The following RNF17 variants were observed in gnomAD, a reference collection of about 807,000 sequenced individuals.
RNF17 encodes the protein ring finger protein 17.
In RNF17, 31 loss-of-function variants were observed where a neutral mutation model predicts 200.5. The ratio of observed to expected loss-of-function variants is 0.15; its 90% CI spans 0.12 to 0.21. RNF17 has a LOEUF of 0.21. RNF17 is among the 10% of genes least tolerant of loss of function. The pLI is 1.00. For synonymous variants in RNF17, 606 were observed against 637.8 expected, an observed-to-expected ratio of 0.95 and a Z score of 0.75; for missense variants, 1,628 against 1,905.1, an observed-to-expected ratio of 0.85 and a Z score of 2.71.
chr13:24,780,738 C>T lies in RNF17; in HGVS notation c.510+991C>T, dbSNP rs554134929. Among the ~76,000 whole-genome samples the T allele has an allele frequency of 3.9e-4, 59 of 152,084 alleles. No homozygotes were observed. In the South Asian group the frequency reaches 0.01, roughly 27 times the overall value. On this transcript the variant is annotated intron_variant, in intron 5 of 35. Transcript: ENST00000255324. ...CTCTATTAAAAATTCAAAAGTTAGCCGGGCATGGTGGCACCCACCTGTAGT... is the reference window on the plus strand; with the variant it reads ...CTCTATTAAAAATTCAAAAGTTAGCTGGGCATGGTGGCACCCACCTGTAGT...
At position 24,826,831 on chromosome 13, in the gene RNF17, C is replaced by T. The variant is rs1174126261; in HGVS notation, c.2245+1059C>T. Among the ~76,000 whole-genome samples the T allele has an allele frequency of 2.7e-5, 4 of 150,920 alleles. No individual in the cohort carries two copies. The East Asian group carries it at 8.0e-4, about 30-fold the overall frequency. ...ATCCCAGCACTTTGGGAGGCCAAGG[C>T]AGGCAGATCACCTGAGGTCGGGAGT... On this transcript the variant is annotated intron_variant, in intron 16 of 35. Transcript: ENST00000255324.
chr13:24,799,842 A>G (rs1306790478), intron 12 of RNF17, among the ~76,000 whole-genome samples: 5 of 152,184 alleles, frequency 3.3e-5, no homozygotes, highest in African/African-American at 1.2e-4. Flanking sequence ...AGCAGGGAAT[A>G]ATACACAAAC....
intron 11 of RNF17, among the ~76,000 whole-genome samples, chr13:24,797,746 T>TGTGTGTGTGTGTGTGTGTG (rs1884781580): frequency 3.9e-5 from 1 of 25,868 alleles, no homozygotes. Context: ...GTGTGTGTGT[T>TGTGTGTGTGTGTGTGTGTG]TACCCTGCAA....
At chr13:24,765,538 A>C (rs1176797661) in intron 1 of RNF17, among the ~76,000 whole-genome samples, 1 of 152,226 alleles carries the variant, frequency 6.6e-6, no homozygotes, top group African/African-American at 2.4e-5. Context: ...ATTTCAGTGG[A>C]GAACCAAGTT....
intron 1 of RNF17, among the ~76,000 whole-genome samples, chr13:24,764,794 C>T (rs2137853332): frequency 6.6e-6 from 1 of 151,906 alleles, no homozygotes; most frequent in East Asian, 1.9e-4. Flanking sequence ...TTTGTTGTTT[C>T]TGTGGGGGTT....
chr13:24,782,605 T>TCG (rs1555265924), intron 6 of RNF17, among the ~76,000 whole-genome samples: 2 of 149,702 alleles, frequency 1.3e-5, no homozygotes, highest in African/African-American at 2.5e-5. Flanking sequence ...GAGGCTGAGA[T>TCG]GGGGGGGGGA....
intron 15 of RNF17, among the ~76,000 whole-genome samples, chr13:24,816,872 A>C (rs1472459726): frequency 6.6e-6 from 1 of 152,188 alleles, no homozygotes; most frequent in Non-Finnish European, 1.5e-5. Context: ...ACCAAGATAA[A>C]GAAGTATCCT....
intron 10 of RNF17, among the ~76,000 whole-genome samples, chr13:24,793,624 T>G (rs923333056): frequency 1.3e-5 from 2 of 152,238 alleles, no homozygotes; most frequent in African/African-American, 4.8e-5. Context: ...TTCTCACATA[T>G]AAGCCTTGTA....
chr13:24,790,051 G>T (rs1283730786), intron 9 of RNF17, among the ~76,000 whole-genome samples: 1 of 152,064 alleles, frequency 6.6e-6, no homozygotes, highest in African/African-American at 2.4e-5. Flanking sequence ...AAATGTCCGA[G>T]AAATTACAAT....
intron 18 of RNF17, among the ~76,000 whole-genome samples, chr13:24,832,613 C>T (rs1455303230): frequency 1.3e-5 from 2 of 152,120 alleles, no homozygotes; most frequent in Non-Finnish European, 2.9e-5. Context: ...GGCTGCTGCC[C>T]CAGACTCTGC....
intron 5 of RNF17, among the ~76,000 whole-genome samples, chr13:24,780,188 T>G (rs929949120): frequency 5.3e-5 from 8 of 152,210 alleles, no homozygotes; most frequent in Non-Finnish European, 1.5e-5. Context: ...TATAGCTGAT[T>G]ATGTTGTGGC....
intron 34 of RNF17, 54 bp downstream of exon 34, chr13:24,877,240 T>C: frequency 6.8e-7 from 1 of 1,464,450 alleles, no homozygotes; most frequent in South Asian, 1.2e-5. Flanking sequence ...TGTCGATACT[T>C]TGTAAAGTGT....
At chr13:24,764,423 A>G (rs1879250306) in intron 1 of RNF17, 90 bp downstream of exon 1, 1 of 1,446,066 alleles carries the variant, frequency 6.9e-7, no homozygotes. Flanking sequence ...AGGCTTGGTC[A>G]GCTGCATCCA....
At chr13:24,865,967 A>G (rs1320024465) in intron 29 of RNF17, among the ~76,000 whole-genome samples, 177 bp from the exon 30 acceptor site, 1 of 152,204 alleles carries the variant, frequency 6.6e-6, no homozygotes, top group Non-Finnish European at 1.5e-5. Context: ...GAGGTTTCTT[A>G]TTGTTGAAAA....
chr13:24,875,992 C>T (rs967014260), intron 33 of RNF17, among the ~76,000 whole-genome samples: 11 of 152,186 alleles, frequency 7.2e-5, no homozygotes, highest in Non-Finnish European at 1.2e-4. Flanking sequence ...AAGAGTTTTA[C>T]CTAAATCATT....
rs187145299 is a variant in RNF17, at chr13:24,874,004, T to C, written c.4448-110T>C. On this transcript the variant is annotated intron_variant, in intron 32 of 35. Transcript: ENST00000255324. ...TCCGTATCTTGGCTATTGTGAATAG[T>C]GCTGCAACAAACATGGGGTACAAGT... The C allele has an allele frequency of 1.8e-5, 19 of 1,048,102 alleles. No individual in the cohort carries two copies. The East Asian group carries it at 4.3e-4, about 24-fold the overall frequency. The allele number at this position is 1,048,102 out of a possible 1,614,324, so 64.9% of individuals were successfully genotyped here.
rs767521803 is a variant in RNF17 at position 24,843,867 on chromosome 13, T to G, written c.2727T>G (p.Asn909Lys). Residue 909 changes from asparagine to lysine, a missense_variant, in exon 20 of 36, where the codon AAT (asparagine) becomes AAG (lysine). Coordinates refer to ENST00000255324, the MANE Select transcript of RNF17 (RefSeq NM_031277.3). ...PVSAKSLPNE[N>K]FQSLYNKELP... ...CTGCAAAATCTCTACCTAATGAGAA[T>G]TTTCAGTCACTTTATAATAAGGAAT... The G allele has an allele frequency of 1.4e-5, 22 of 1,604,256 alleles. No individual in the cohort carries two copies. The East Asian group carries it at 4.7e-4, about 34-fold the overall frequency.
At chr13:24,796,575 T>C (rs1466719632) in intron 11 of RNF17, among the ~76,000 whole-genome samples, 3 of 152,186 alleles carry the variant, frequency 2.0e-5, no homozygotes, top group African/African-American at 7.2e-5. Context: ...ACAGATTATA[T>C]AGCCTGTCCC....
In RNF17 at chr13:24,796,422, G is replaced by A. The variant is rs888151878; in HGVS notation, c.1399+127G>A. On this transcript the variant is annotated intron_variant, in intron 11 of 35. Transcript: ENST00000255324. ...AAGTTCATTTGTAGTAAGCATAAAAGTTTTAGGATTATTTAACATAAATTA... is the reference window on the plus strand; with the variant it reads ...AAGTTCATTTGTAGTAAGCATAAAAATTTTAGGATTATTTAACATAAATTA... The A allele has an allele frequency of 9.0e-6, 5 of 553,648 alleles. No homozygotes were observed. The Admixed American group carries it at 1.5e-4, about 17-fold the overall frequency. The allele number at this position is 553,648 out of a possible 1,614,324, so 34.3% of individuals were successfully genotyped here.
Sources: allele counts gnomAD v4.1 joint callset (sites outside exome capture counted in the v4.1 genomes callset), GRCh38; gene constraint gnomAD v4.1.1; transcripts MANE v1.5; gene names NCBI Gene and HGNC (gene_info 2026-07-23, HGNC 2026-07-21).